PCDHA4: variants seen among roughly 807,000 people sequenced by gnomAD.
PCDHA4 encodes protocadherin alpha 4.
A neutral mutation model predicts 61.4 loss-of-function variants in PCDHA4; 49 were observed. The ratio of observed to expected loss-of-function variants is 0.80; its 90% confidence interval spans 0.63 to 1.01. The LOEUF (loss-of-function observed/expected upper bound fraction) is 1.01, where lower values mean the gene tolerates loss of function less well. Among genes scored for constraint, PCDHA4 ranks in the 50% least tolerant of loss-of-function variants. The pLI, the probability that PCDHA4 is intolerant of heterozygous loss-of-function variation, is 0.00. For synonymous variants in PCDHA4, 590 were observed against 550.3 expected (o/e 1.07, Z -1.01); for missense variants, 1,254 against 1,235.8 (o/e 1.01, Z -0.22).
At chr5:140,841,440 A>G in intron 1 of PCDHA4, 1 of 1,612,980 alleles carries the variant, frequency 6.2e-7, no homozygotes, top group Non-Finnish European at 8.5e-7. Flanking sequence ...GAGGAGGCCA[A>G]ACACGGCACC....
At chr5:140,858,420 G>C in intron 1 of PCDHA4, 4 of 1,558,504 alleles carry the variant, frequency 2.6e-6, no homozygotes, top group South Asian at 1.1e-5. Context: ...TCTATTGGAG[G>C]GGACCACTCT....
intron 1 of PCDHA4, among the ~76,000 whole-genome samples, chr5:140,895,004 T>C (rs535461448): frequency 6.6e-6 from 1 of 152,316 alleles, no homozygotes; most frequent in East Asian, 1.9e-4. Flanking sequence ...CCCTTTTTAC[T>C]TGGACCTTTT....
chr5:140,807,612 T>C lies in PCDHA4; in HGVS notation c.425T>C (p.Ile142Thr), dbSNP rs782576297. ...VFPATQKNLS[I>T]AESRPLDSRF... is the part of the protein sequence containing the mutation. ...CCAGCAACACAAAAGAACCTGTCCATCGCGGAATCCAGGCCGCTTGACTCT... is the reference window on the plus strand; with the variant it reads ...CCAGCAACACAAAAGAACCTGTCCACCGCGGAATCCAGGCCGCTTGACTCT... Residue 142 changes from isoleucine (I) to threonine (T), a missense_variant, in exon 1 of 4, where the codon ATC becomes ACC. Coordinates refer to ENST00000530339, the MANE Select transcript of PCDHA4 (RefSeq NM_018907.4). The C allele has an allele frequency of 1.2e-6, 2 of 1,614,130 alleles. No homozygotes were observed. Among genetic ancestry groups the C allele is most frequent in the Admixed American group, 1.7e-5 (1 of 60,020 alleles).
intron 1 of PCDHA4, among the ~76,000 whole-genome samples, chr5:140,954,333 G>C (rs1554221356): frequency 1.3e-5 from 2 of 152,140 alleles, no homozygotes; most frequent in African/African-American, 4.8e-5. Flanking sequence ...TGGTATTTCT[G>C]CCTCTAGATC....
intron 1 of PCDHA4, chr5:140,871,504 C>CT: frequency 6.3e-7 from 1 of 1,581,824 alleles, no homozygotes; most frequent in South Asian, 1.1e-5. Flanking sequence ...GGTGAGTTTT[C>CT]TACAGATTCC....
chr5:140,884,821 G>T (rs1470699415), intron 1 of PCDHA4: 1 of 1,011,638 alleles, frequency 9.9e-7, no homozygotes, highest in Admixed American at 3.4e-5. Context: ...TGGACATTAT[G>T]TGTTGGATTA....
chr5:140,869,677 C>T, intron 1 of PCDHA4: 1 of 1,613,420 alleles, frequency 6.2e-7, no homozygotes, highest in Non-Finnish European at 8.5e-7. Flanking sequence ...GATTAAAAGA[C>T]TGTCACTTAT....
chr5:140,957,792 T>C (rs148659760), intron 1 of PCDHA4, among the ~76,000 whole-genome samples: 1 of 152,230 alleles, frequency 6.6e-6, no homozygotes, highest in East Asian at 1.9e-4. Flanking sequence ...TCATCATATA[T>C]GTTAAGTAAA....
At chr5:140,845,315 ATTACT>A (rs1156413358) in intron 1 of PCDHA4, among the ~76,000 whole-genome samples, 1 of 149,596 alleles carries the variant, frequency 6.7e-6, no homozygotes, top group Non-Finnish European at 1.5e-5. Context: ...GTTCTCAGGT[ATTACT>A]TTAATTACTG....
At chr5:140,904,754 C>G (rs2071365435) in intron 1 of PCDHA4, among the ~76,000 whole-genome samples, 1 of 152,068 alleles carries the variant, frequency 6.6e-6, no homozygotes, top group South Asian at 2.1e-4. Context: ...ACCATTTTTG[C>G]AAGAATAAGA....
At chr5:140,865,116 G>T (rs2048743320) in intron 1 of PCDHA4, 1 of 152,144 alleles carries the variant, frequency 6.6e-6, no homozygotes, top group Non-Finnish European at 1.5e-5. Flanking sequence ...GACAATTGTG[G>T]TGTTAATTAT....
intron 1 of PCDHA4, chr5:140,829,534 C>T (rs550072556): frequency 6.2e-7 from 1 of 1,613,076 alleles, no homozygotes; most frequent in Non-Finnish European, 8.5e-7. Context: ...CTGCGCGAGA[C>T]GCGGACGCGC....
intron 1 of PCDHA4, chr5:140,875,980 T>A: frequency 6.2e-7 from 1 of 1,614,062 alleles, no homozygotes; most frequent in East Asian, 2.2e-5. Context: ...TCTTTTGACC[T>A]ATGCGTTAAG....
intron 1 of PCDHA4, chr5:140,852,742 T>G (rs1190690172): frequency 1.0e-6 from 1 of 984,108 alleles, no homozygotes; most frequent in African/African-American, 1.8e-5. Context: ...ATGTGCCATT[T>G]AAACTTGGAC....
At chr5:140,848,643 C>T in intron 1 of PCDHA4, 1 of 1,593,248 alleles carries the variant, frequency 6.3e-7, no homozygotes, top group East Asian at 2.2e-5. Flanking sequence ...CCGCATCGCG[C>T]AGGACCTGGG....
intron 1 of PCDHA4, among the ~76,000 whole-genome samples, chr5:140,936,534 T>C (rs1327354780): frequency 1.3e-5 from 2 of 152,230 alleles, no homozygotes; most frequent in African/African-American, 2.4e-5. Context: ...TGCTTTTGAA[T>C]ATAGTGCAAT....
At chr5:140,862,742 T>A (rs2047519053) in intron 1 of PCDHA4, 2 of 577,562 alleles carry the variant, frequency 3.5e-6, no homozygotes, top group East Asian at 4.8e-5. Context: ...TATGTGTGGG[T>A]GCACGCGGAG....
chr5:140,850,639 T>C (rs2150491929), intron 1 of PCDHA4: 1 of 1,598,684 alleles, frequency 6.3e-7, no homozygotes, highest in East Asian at 2.2e-5. Flanking sequence ...GTTCTCACGC[T>C]GCTGCTGTAC....
At chr5:140,835,626 C>A (rs782043218) in intron 1 of PCDHA4, 2 of 1,613,880 alleles carry the variant, frequency 1.2e-6, no homozygotes. Context: ...CGCTCTGGAC[C>A]GCGAGAGTGT....
Sources: allele counts gnomAD v4.1 joint callset (sites outside exome capture counted in the v4.1 genomes callset), GRCh38; gene constraint gnomAD v4.1.1; transcripts MANE v1.5; gene names NCBI Gene and HGNC (gene_info 2026-07-23, HGNC 2026-07-21).